SUMF1: variants seen among roughly 807,000 people sequenced by gnomAD.
The protein encoded by SUMF1 is formylglycine-generating enzyme.
SUMF1 carries 48 observed loss-of-function variants against 47.6 expected under a neutral mutation model. The ratio of observed to expected loss-of-function variants is 1.01; its 90% CI spans 0.80 to 1.28. The LOEUF (loss-of-function observed/expected upper bound fraction) is 1.28, where lower values mean the gene tolerates loss of function less well. SUMF1 is among the 50% of genes most tolerant of loss of function. SUMF1 has a pLI of 0.00. For missense variants in SUMF1, 571 were observed against 485.4 expected (o/e 1.18, Z -1.66); for synonymous variants, 230 against 192.1 (o/e 1.20, Z -1.63).
intron 9 of SUMF1, among the ~76,000 whole-genome samples, chr3:4,040,925 C>G (rs896019309): frequency 2.6e-5 from 4 of 152,156 alleles, no homozygotes; most frequent in African/African-American, 9.7e-5. Flanking sequence ...TCAAGCAAAG[C>G]CAGAACTATG....
intron 8 of SUMF1, among the ~76,000 whole-genome samples, chr3:4,243,169 C>T (rs1696582631): frequency 6.6e-6 from 1 of 152,078 alleles, no homozygotes; most frequent in South Asian, 2.1e-4. Flanking sequence ...CTTTATTAGT[C>T]TTGCTAGTGG....
chr3:4,403,022 G>A (rs915173053), intron 7 of SUMF1, among the ~76,000 whole-genome samples: 7 of 152,152 alleles, frequency 4.6e-5, no homozygotes, highest in Non-Finnish European at 8.8e-5. Flanking sequence ...AACAGTAGGC[G>A]TGCCTGTAGT....
rs142375483 is a variant in SUMF1, at chr3:4,201,798, G to C, written c.1015-133053C>G. Among the ~76,000 whole-genome samples the C allele has an allele frequency of 1.5e-3, 233 of 151,986 alleles. 3 individuals are homozygous for C. Among genetic ancestry groups the C allele is most frequent in the African/African-American group, 5.4e-3 (224 of 41,512 alleles). ...TCCCTTTTCTCCACATCCTTGCCAT[G>C]TCTTTTCGATGAAAGCCATTTTAAT... On this transcript the variant is annotated intron_variant and NMD_transcript_variant, in intron 8 of 12. Transcript: ENST00000448413.
intron 8 of SUMF1, among the ~76,000 whole-genome samples, chr3:4,225,491 C>G (rs1696154052): frequency 6.6e-6 from 1 of 152,084 alleles, no homozygotes; most frequent in African/African-American, 2.4e-5. Context: ...AACCATGCAC[C>G]ACAACACAAA....
intron 8 of SUMF1, among the ~76,000 whole-genome samples, chr3:4,165,633 T>G (rs1694682214): frequency 6.6e-6 from 1 of 152,142 alleles, no homozygotes; most frequent in Non-Finnish European, 1.5e-5. Context: ...AAGGTCAAGC[T>G]GCAGGATAGT....
At chr3:4,142,010 T>C (rs1694081828) in intron 8 of SUMF1, among the ~76,000 whole-genome samples, 1 of 152,138 alleles carries the variant, frequency 6.6e-6, no homozygotes, top group Non-Finnish European at 1.5e-5. Context: ...CAAACTACTA[T>C]GTGATGTTTA....
At chr3:4,034,582 T>G (rs2125012798) in intron 9 of SUMF1, among the ~76,000 whole-genome samples, 1 of 152,256 alleles carries the variant, frequency 6.6e-6, no homozygotes, top group African/African-American at 2.4e-5. Flanking sequence ...CTGCATTTGG[T>G]GATTCTCTCG....
At chr3:4,048,368 C>G (rs544391660) in intron 9 of SUMF1, among the ~76,000 whole-genome samples, 1 of 152,238 alleles carries the variant, frequency 6.6e-6, no homozygotes, top group African/African-American at 2.4e-5. Flanking sequence ...TACAACTACC[C>G]TGAGAAAAAT....
intron 8 of SUMF1, among the ~76,000 whole-genome samples, chr3:4,100,455 A>G (rs983898945): frequency 1.3e-5 from 2 of 152,018 alleles, no homozygotes; most frequent in East Asian, 3.8e-4. Flanking sequence ...GGTCTCGTCA[A>G]TAAATTGTGC....
At position 4,146,535 on chromosome 3, in the gene SUMF1, C is replaced by CT. The variant is rs1039971987; in HGVS notation, c.1015-77791dup. Among the ~76,000 whole-genome samples, 59 of 149,208 alleles carry CT rather than the reference C, an allele frequency of 4.0e-4. No homozygotes were observed. In the East Asian group the frequency reaches 5.7e-3, roughly 14 times the overall value. ...GATAGCACCAAGACTCTTGGAATTTCTTTTTTTTTTCTAATTATACTTTAA... is the reference window on the plus strand; with the variant it reads ...GATAGCACCAAGACTCTTGGAATTTCTTTTTTTTTTTCTAATTATACTTTAA... On this transcript the variant is annotated intron_variant and NMD_transcript_variant, in intron 8 of 12. Coordinates refer to the SUMF1 transcript ENST00000448413.
In SUMF1 at chr3:4,361,574, A is replaced by T. The variant is rs914244546; in HGVS notation, c.*570T>A. 6.3e-6 allele frequency: 1 copy of T among 159,692 alleles called. No homozygotes were observed. Among genetic ancestry groups the T allele is most frequent in the South Asian group, 1.8e-4 (1 of 5,458 alleles). 9.9% of individuals were successfully genotyped at this position (159,692 alleles called of 1,614,324 possible). ...AGTACGAATATAAAGGAGTCACCACACCCCTCTTCCGAAAATAATACATAA... is the reference window on the plus strand; with the variant it reads ...AGTACGAATATAAAGGAGTCACCACTCCCCTCTTCCGAAAATAATACATAA... On this transcript the variant is annotated 3_prime_UTR_variant, in exon 9 of 9. Coordinates refer to ENST00000272902, the MANE Select transcript of SUMF1 (RefSeq NM_182760.4).
chr3:4,391,831 C>CT (rs71053409), intron 7 of SUMF1, among the ~76,000 whole-genome samples: 1,948 of 141,478 alleles, frequency 0.014, 40 homozygotes, highest in African/African-American at 0.043. Flanking sequence ...CTTTTCTTTT[C>CT]TTTTTTTTTT....
At chr3:4,253,150 T>C (rs1359625697) in intron 8 of SUMF1, among the ~76,000 whole-genome samples, 1 of 152,174 alleles carries the variant, frequency 6.6e-6, no homozygotes. Flanking sequence ...ACAAGCTCAG[T>C]TTGGTTCACT....
chr3:4,165,226 T>C (rs976788944), intron 8 of SUMF1, among the ~76,000 whole-genome samples: 23 of 152,168 alleles, frequency 1.5e-4, no homozygotes, highest in Middle Eastern at 3.2e-3. Context: ...TAGCATGACG[T>C]CTCTCCAAGT....
intron 8 of SUMF1, among the ~76,000 whole-genome samples, chr3:4,095,228 A>G (rs565165651): frequency 1.8e-4 from 27 of 152,260 alleles, no homozygotes; most frequent in African/African-American, 6.3e-4. Context: ...CCTAAACTCT[A>G]TATTTTAAAC....
chr3:4,196,305 A>G (rs987699351), intron 8 of SUMF1, among the ~76,000 whole-genome samples: 1 of 152,060 alleles, frequency 6.6e-6, no homozygotes, highest in African/African-American at 2.4e-5. Context: ...CTTATTGAGG[A>G]GTCTATCTCT....
chr3:4,133,739 A>G lies in SUMF1; in HGVS notation c.1015-64994T>C, dbSNP rs185657723. 2.6e-3 allele frequency among the ~76,000 whole-genome samples: 401 copies of G among 152,194 alleles called. 3 individuals carry two copies. Among genetic ancestry groups the G allele is most frequent in the Middle Eastern group, 0.01 (3 of 294 alleles). On this transcript the variant is annotated intron_variant and NMD_transcript_variant, in intron 8 of 12. Transcript: ENST00000448413. ...CTCAGACTGGCTCTCCTTGTTCCTC[A>G]GCCTCCAGATGGCCTATTGTAGGAC...
At chr3:4,453,437 G>C (rs997478010) in intron 1 of SUMF1, among the ~76,000 whole-genome samples, 1 of 151,884 alleles carries the variant, frequency 6.6e-6, no homozygotes, top group African/African-American at 2.4e-5. Flanking sequence ...GCATGATCAG[G>C]GCTCACTACA....
intron 8 of SUMF1, among the ~76,000 whole-genome samples, chr3:4,078,508 T>C (rs1435942781): frequency 6.6e-6 from 1 of 152,136 alleles, no homozygotes. Context: ...TCTAAAAAAA[T>C]GAATAATGCA....
Sources: allele counts gnomAD v4.1 joint callset (sites outside exome capture counted in the v4.1 genomes callset), GRCh38; gene constraint gnomAD v4.1.1; transcripts MANE v1.5; gene names NCBI Gene and HGNC (gene_info 2026-07-23, HGNC 2026-07-21).